Variants in PREX2 observed in about 807,000 individuals in gnomAD.
PREX2 encodes phosphatidylinositol 3,4,5-trisphosphate-dependent Rac exchanger 2 protein.
Under a neutral mutation model 203.2 loss-of-function variants are expected in PREX2, and 107 were observed. The ratio of observed to expected loss-of-function variants is 0.53; its 90% CI spans 0.45 to 0.62. The LOEUF (loss-of-function observed/expected upper bound fraction) is 0.62. Ranked by LOEUF, PREX2 falls within the 20% of genes least tolerant of loss-of-function variation. The pLI is 0.00. For missense variants in PREX2, 1,777 were observed against 1,955.9 expected (o/e 0.91, Z 1.72); for synonymous variants, 672 against 663.6 (o/e 1.01, Z -0.19).
At chr8:68,061,021 G>A (rs1808833609) in intron 11 of PREX2, among the ~76,000 whole-genome samples, 2 of 152,192 alleles carry the variant, frequency 1.3e-5, no homozygotes, top group African/African-American at 4.8e-5. Flanking sequence ...AGAGAAGTGG[G>A]ATTGTGGAGG....
At chr8:68,214,604 T>C (rs1269948068) in intron 37 of PREX2, among the ~76,000 whole-genome samples, 1 of 152,206 alleles carries the variant, frequency 6.6e-6, no homozygotes, top group Non-Finnish European at 1.5e-5. Context: ...CTGGAGTCCA[T>C]CAGAGAATGC....
At chr8:68,042,428 A>G (rs564703031) in intron 7 of PREX2, among the ~76,000 whole-genome samples, 10 of 152,208 alleles carry the variant, frequency 6.6e-5, no homozygotes, top group Admixed American at 5.2e-4. Flanking sequence ...AGTTTCTTGC[A>G]ATTTATAATT....
chr8:68,127,295 A>G, intron 30 of PREX2, 83 bp from the exon 31 acceptor site: 1 of 1,075,124 alleles, frequency 9.3e-7, no homozygotes, highest in Non-Finnish European at 1.4e-6. Context: ...ATAAGATCAT[A>G]CTAATTTTGA....
chr8:68,231,137 G>C (rs879474764), intron 39 of PREX2, among the ~76,000 whole-genome samples, 196 bp from the exon 40 acceptor site: 1 of 152,140 alleles, frequency 6.6e-6, no homozygotes, highest in Non-Finnish European at 1.5e-5. Context: ...ATGCAGAGGG[G>C]CACTGGTGTT....
chr8:68,199,957 G>A (rs1408659820), intron 37 of PREX2, among the ~76,000 whole-genome samples: 1 of 152,146 alleles, frequency 6.6e-6, no homozygotes, highest in East Asian at 1.9e-4. Context: ...TAAGTAAAAG[G>A]AATAGGTTTA....
chr8:68,121,854 C>T (rs963461560), intron 30 of PREX2, among the ~76,000 whole-genome samples: 4 of 152,082 alleles, frequency 2.6e-5, no homozygotes, highest in African/African-American at 4.8e-5. Flanking sequence ...TGAGACAGTT[C>T]CTTACAAGGA....
chr8:68,071,823 C>G (rs1209040128), intron 13 of PREX2, among the ~76,000 whole-genome samples: 3 of 152,118 alleles, frequency 2.0e-5, no homozygotes, highest in African/African-American at 7.2e-5. Context: ...TTGTTTTCCA[C>G]TAGGGCAGAG....
At chr8:68,203,501 T>G (rs193012508) in intron 37 of PREX2, among the ~76,000 whole-genome samples, 139 of 152,164 alleles carry the variant, frequency 9.1e-4, no homozygotes, top group Non-Finnish European at 1.6e-3. Context: ...GAAAGGGGGA[T>G]CATGGCAGAG....
chr8:68,195,788 C>G (rs1021696389), intron 37 of PREX2, among the ~76,000 whole-genome samples: 2 of 152,160 alleles, frequency 1.3e-5, no homozygotes, highest in African/African-American at 4.8e-5. Flanking sequence ...AATGTGGTAT[C>G]TACATTAGAT....
At chr8:67,963,092 T>A (rs1805676184) in intron 1 of PREX2, among the ~76,000 whole-genome samples, 1 of 152,186 alleles carries the variant, frequency 6.6e-6, no homozygotes, top group South Asian at 2.1e-4. Flanking sequence ...ACTACATTTC[T>A]CAGCCTCCCA....
chr8:68,214,595 T>C (rs1406165343), intron 37 of PREX2, among the ~76,000 whole-genome samples: 2 of 152,220 alleles, frequency 1.3e-5, no homozygotes, highest in African/African-American at 2.4e-5. Context: ...TTCCTGGACC[T>C]GGAGTCCATC....
intron 12 of PREX2, 130 bp downstream of exon 12, chr8:68,069,266 G>GC: frequency 1.8e-6 from 1 of 570,332 alleles, no homozygotes; most frequent in Non-Finnish European, 3.1e-6. Context: ...ATACAAGCAA[G>GC]CCTCTTTATT....
Position 68,090,662 on chromosome 8 carries a change from G to T in PREX2, c.2197G>T (p.Ala733Ser). Residue 733 changes from alanine to serine, a missense_variant, in exon 20 of 40, where the codon GCC (alanine) becomes TCC (serine). Ala to Ser is a moderately conservative substitution (Grantham distance 99, BLOSUM62 1). Transcript: ENST00000288368. ...NGINVSKETH[A>S]SVIAHVTACR... ...AATCAATGTCAGCAAAGAGACACATGCCAGTGTCATTGCACACGTTACAGC... is the reference window on the plus strand; with the variant it reads ...AATCAATGTCAGCAAAGAGACACATTCCAGTGTCATTGCACACGTTACAGC... The T allele has an allele frequency of 6.2e-7, 1 of 1,614,020 alleles. No individual in the cohort carries two copies. Among genetic ancestry groups the T allele is most frequent in the Non-Finnish European group, 8.5e-7 (1 of 1,179,918 alleles).
intron 13 of PREX2, among the ~76,000 whole-genome samples, chr8:68,071,460 G>A (rs1809193010): frequency 1.3e-5 from 2 of 152,168 alleles, no homozygotes; most frequent in African/African-American, 4.8e-5. Flanking sequence ...TAGATTTAAA[G>A]AACAATGAAT....
intron 7 of PREX2, among the ~76,000 whole-genome samples, chr8:68,040,182 C>T (rs78874759): frequency 0.017 from 2,578 of 152,196 alleles, 57 homozygotes; most frequent in African/African-American, 0.055. Flanking sequence ...GCGCATGCTG[C>T]CACATGCAGT....
chr8:68,222,143 G>T (rs1371318216), intron 38 of PREX2, among the ~76,000 whole-genome samples: 1 of 152,078 alleles, frequency 6.6e-6, no homozygotes. Flanking sequence ...GAGTATGTTT[G>T]TATTTGTAAA....
chr8:68,161,907 A>G (rs1316853022), intron 35 of PREX2, among the ~76,000 whole-genome samples: 2 of 152,218 alleles, frequency 1.3e-5, no homozygotes, highest in Non-Finnish European at 2.9e-5. Context: ...TCACAGTTCC[A>G]TATGGCTGGG....
intron 35 of PREX2, among the ~76,000 whole-genome samples, chr8:68,172,081 A>C (rs969975297): frequency 1.3e-5 from 2 of 152,194 alleles, no homozygotes; most frequent in African/African-American, 4.8e-5. Context: ...CTGTAAATCA[A>C]ATGTGTATAT....
chr8:68,012,883 C>A (rs1405391991), intron 1 of PREX2, among the ~76,000 whole-genome samples: 1 of 152,196 alleles, frequency 6.6e-6, no homozygotes, highest in Non-Finnish European at 1.5e-5. Flanking sequence ...AAGGTTTAAT[C>A]CAGCTCCAAA....
Sources: allele counts gnomAD v4.1 joint callset (sites outside exome capture counted in the v4.1 genomes callset), GRCh38; gene constraint gnomAD v4.1.1; transcripts MANE v1.5; gene names NCBI Gene and HGNC (gene_info 2026-07-23, HGNC 2026-07-21).